Variants in COL5A2 observed in about 807,000 individuals in gnomAD.
COL5A2 encodes collagen type V alpha 2 chain.
COL5A2 carries 23 observed loss-of-function variants against 208.2 expected under a neutral mutation model. That is an observed-to-expected ratio of 0.11 (90% CI 0.08 to 0.16). The LOEUF (loss-of-function observed/expected upper bound fraction) is 0.16, where lower values mean the gene tolerates loss of function less well. Among genes scored for constraint, COL5A2 ranks in the 10% least tolerant of loss-of-function variants. COL5A2 has a pLI of 1.00. For missense variants in COL5A2, 1,590 were observed against 1,956.4 expected, an observed-to-expected ratio of 0.81 and a Z score of 3.53; for synonymous variants, 625 against 628.5, an observed-to-expected ratio of 0.99 and a Z score of 0.08.
the COL5A2 span, among the ~76,000 whole-genome samples, chr2:189,378,248 A>G: frequency 2.0e-5 from 3 of 152,206 alleles, no homozygotes; most frequent in Non-Finnish European, 4.4e-5. Flanking sequence ...ACAACAACAA[A>G]AACGCATATA....
the COL5A2 span, chr2:189,312,115 C>A: frequency 1.2e-6 from 1 of 847,566 alleles, no homozygotes; most frequent in South Asian, 1.3e-5. Context: ...ACAGCATTTG[C>A]GAAGATCTGA....
At chr2:189,065,879 C>G (rs940887563) in intron 23 of COL5A2, among the ~76,000 whole-genome samples, 4 of 152,128 alleles carry the variant, frequency 2.6e-5, no homozygotes, top group Non-Finnish European at 4.4e-5. Context: ...TTTCTACTGG[C>G]TTATCATCAT....
chr2:189,161,608 A>G (rs1371927582), intron 1 of COL5A2, among the ~76,000 whole-genome samples: 2 of 152,226 alleles, frequency 1.3e-5, no homozygotes, highest in African/African-American at 4.8e-5. Flanking sequence ...GCAATCTAAC[A>G]ACAGAGAAAA....
At chr2:189,100,859 A>G (rs1216058058) in intron 3 of COL5A2, among the ~76,000 whole-genome samples, 1 of 152,088 alleles carries the variant, frequency 6.6e-6, no homozygotes, top group Non-Finnish European at 1.5e-5. Context: ...TAATAGATGT[A>G]GATAGAATTT....
chr2:189,371,526 G>A, the COL5A2 span, among the ~76,000 whole-genome samples: 3 of 152,212 alleles, frequency 2.0e-5, no homozygotes, highest in Non-Finnish European at 4.4e-5. Flanking sequence ...GTCTCAGATG[G>A]AAGTAAGAAA....
intron 7 of COL5A2, 26 bp from the exon 8 acceptor site, chr2:189,088,798 T>TA: frequency 6.3e-7 from 1 of 1,587,714 alleles, no homozygotes; most frequent in Non-Finnish European, 8.7e-7. Flanking sequence ...GTTGACATTA[T>TA]TTCTACAGTA....
chr2:189,393,983 T>C, the COL5A2 span, among the ~76,000 whole-genome samples: 2 of 152,196 alleles, frequency 1.3e-5, no homozygotes, highest in African/African-American at 4.8e-5. Context: ...TCCCCATCTG[T>C]TGTAGGCCAT....
intron 1 of COL5A2, among the ~76,000 whole-genome samples, chr2:189,159,990 T>C (rs543801616): frequency 1.3e-5 from 2 of 152,314 alleles, no homozygotes; most frequent in African/African-American, 4.8e-5. Flanking sequence ...TTGGTCTCAC[T>C]GAAGTCTCTA....
At chr2:189,074,616 A>G (rs1328111561) in intron 17 of COL5A2, among the ~76,000 whole-genome samples, 3 of 152,186 alleles carry the variant, frequency 2.0e-5, no homozygotes, top group East Asian at 3.9e-4. Flanking sequence ...AATTGAATTC[A>G]TTTATTCCCA....
At chr2:189,183,013 A>G (rs1336120156), upstream of COL5A2, among the ~76,000 whole-genome samples, 1 of 152,110 alleles carries the variant, frequency 6.6e-6, no homozygotes, top group Admixed American at 6.5e-5. Flanking sequence ...GTCAATCTTG[A>G]AAATAAAAAA....
At chr2:189,185,170 C>G (rs554146684) in intron 1 of COL5A2, among the ~76,000 whole-genome samples, 6 of 151,932 alleles carry the variant, frequency 3.9e-5, no homozygotes, top group African/African-American at 1.5e-4. Context: ...ATTACAGGCA[C>G]GCACCACTAC....
At chr2:189,428,880 C>T in the COL5A2 span, among the ~76,000 whole-genome samples, 1 of 152,144 alleles carries the variant, frequency 6.6e-6, no homozygotes, top group Non-Finnish European at 1.5e-5. Flanking sequence ...CATGATCTCA[C>T]TCATAATGAG....
At chr2:189,121,610 G>A (rs939938399) in intron 1 of COL5A2, among the ~76,000 whole-genome samples, 2 of 151,772 alleles carry the variant, frequency 1.3e-5, no homozygotes, top group Non-Finnish European at 2.9e-5. Context: ...ACTCACTCTA[G>A]CCACACTGGG....
At chr2:189,053,088 A>G (rs1685826862) in intron 38 of COL5A2, 70 bp from the exon 39 acceptor site, 1 of 1,168,830 alleles carries the variant, frequency 8.6e-7, no homozygotes, top group Non-Finnish European at 1.3e-6. Flanking sequence ...AGTAATTATT[A>G]CTAATGTATC....
At chr2:189,161,117 G>A (rs1688355415) in intron 1 of COL5A2, among the ~76,000 whole-genome samples, 1 of 150,824 alleles carries the variant, frequency 6.6e-6, no homozygotes, top group Admixed American at 6.6e-5. Context: ...ACCGCGCCCG[G>A]CTGTACTTTT....
chr2:189,055,442 ATC>A (rs1685882923), intron 35 of COL5A2, among the ~76,000 whole-genome samples: 1 of 152,168 alleles, frequency 6.6e-6, no homozygotes, highest in South Asian at 2.1e-4. Flanking sequence ...ATATTCTTTC[ATC>A]GTTTAATTTC....
the COL5A2 span, among the ~76,000 whole-genome samples, chr2:189,376,632 C>T: frequency 6.6e-6 from 1 of 152,026 alleles, no homozygotes; most frequent in Non-Finnish European, 1.5e-5. Context: ...TTTGTATTCC[C>T]TAATATAGAA....
the COL5A2 span, among the ~76,000 whole-genome samples, chr2:189,384,979 CT>C: frequency 6.6e-6 from 1 of 151,964 alleles, no homozygotes; most frequent in African/African-American, 2.4e-5. Flanking sequence ...TTCTGATAAT[CT>C]TTTTTAAGCA....
At chr2:189,234,052 C>T in the COL5A2 span, among the ~76,000 whole-genome samples, 1 of 151,690 alleles carries the variant, frequency 6.6e-6, no homozygotes, top group East Asian at 1.9e-4. Flanking sequence ...GTGATATCTA[C>T]TTTCAGCATA....
Sources: allele counts gnomAD v4.1 joint callset (sites outside exome capture counted in the v4.1 genomes callset), GRCh38; gene constraint gnomAD v4.1.1; transcripts MANE v1.5; gene names NCBI Gene and HGNC (gene_info 2026-07-23, HGNC 2026-07-21).